Variants in CRKL observed in about 807,000 individuals in gnomAD.
The protein encoded by CRKL is CRK like proto-oncogene, adaptor protein.
CRKL carries 3 observed loss-of-function variants against 23.0 expected under a neutral mutation model. That is an observed-to-expected ratio of 0.13 (90% CI 0.06 to 0.34). The LOEUF (loss-of-function observed/expected upper bound fraction) is 0.34, where lower values mean the gene tolerates loss of function less well. Among genes scored for constraint, CRKL ranks in the 10% least tolerant of loss-of-function variants. The probability of loss-of-function intolerance (pLI) is 1.00; values close to 1 mark genes in which losing one functional copy is unlikely to be tolerated. For synonymous variants in CRKL, 188 were observed against 160.7 expected, an observed-to-expected ratio of 1.17 and a Z score of -1.28; for missense variants, 256 against 394.5, an observed-to-expected ratio of 0.65 and a Z score of 2.97.
Position 20,921,812 on chromosome 22 carries a change from C to T in CRKL, c.311+3567C>T, listed in dbSNP as rs139442784. 5.9e-3 allele frequency among the ~76,000 whole-genome samples: 899 copies of T among 151,418 alleles called. 8 individuals are homozygous for T. Among genetic ancestry groups the T allele is most frequent in the East Asian group, 0.055 (283 of 5,146 alleles). ...CAAGCTCCGCCTCCTGGGTTCACAC[C>T]ATTCTCCTGCCTCAGCCTCCCGAGT... On this transcript the variant is annotated intron_variant, in intron 1 of 2. Coordinates refer to ENST00000354336, the MANE Select transcript of CRKL (RefSeq NM_005207.4).
At position 20,925,144 on chromosome 22, in the gene CRKL, C is replaced by T. The variant is rs139459946; in HGVS notation, c.311+6899C>T. ...CAGAGGTTGCACTGAGCCAAGATCACACCACTGCACTCCAGCCTGCCAACA... is the reference window on the plus strand; with the variant it reads ...CAGAGGTTGCACTGAGCCAAGATCATACCACTGCACTCCAGCCTGCCAACA... On this transcript the variant is annotated intron_variant, in intron 1 of 2. Coordinates refer to ENST00000354336, the MANE Select transcript of CRKL (RefSeq NM_005207.4). Among the ~76,000 whole-genome samples, 877 of 143,134 alleles carry T rather than the reference C, an allele frequency of 6.1e-3. 6 individuals carry two copies. The highest frequency in any genetic ancestry group is 0.055 in the East Asian group (267 of 4,826). The allele number at this position is 143,134 out of a possible 152,430, so 93.9% of individuals were successfully genotyped here. A position where few individuals can be genotyped will look rare whatever the true frequency, so the allele number is the denominator to read the frequency against.
At chr22:20,937,808 C>T (rs1445956467) in intron 2 of CRKL, among the ~76,000 whole-genome samples, 1 of 151,972 alleles carries the variant, frequency 6.6e-6, no homozygotes, top group Non-Finnish European at 1.5e-5. Flanking sequence ...TAGACCTTTA[C>T]CAAATTCCAT....
At chr22:20,923,880 TAA>T (rs774192484) in intron 1 of CRKL, among the ~76,000 whole-genome samples, 6 of 137,580 alleles carry the variant, frequency 4.4e-5, no homozygotes, top group Non-Finnish European at 4.7e-5. Context: ...GCCTGGCTAC[TAA>T]AAAAAAAAAA....
chr22:20,948,657 TA>T (rs1922158017), intron 2 of CRKL, among the ~76,000 whole-genome samples: 1 of 152,120 alleles, frequency 6.6e-6, no homozygotes, highest in African/African-American at 2.4e-5. Flanking sequence ...GACTGTGCCA[TA>T]AAAACCTTAT....
At chr22:20,942,821 C>T (rs753141714) in intron 2 of CRKL, among the ~76,000 whole-genome samples, 1 of 152,100 alleles carries the variant, frequency 6.6e-6, no homozygotes, top group East Asian at 1.9e-4. Context: ...CAGGGTTTTG[C>T]CATGTTAGCC....
chr22:20,925,346 T>C (rs1921160647), intron 1 of CRKL, among the ~76,000 whole-genome samples: 1 of 150,200 alleles, frequency 6.7e-6, no homozygotes, highest in African/African-American at 2.5e-5. Context: ...GATTAAAATA[T>C]TTTAATTCTG....
chr22:20,929,766 T>C (rs559938419), intron 1 of CRKL, among the ~76,000 whole-genome samples: 1 of 152,278 alleles, frequency 6.6e-6, no homozygotes, highest in East Asian at 1.9e-4. Context: ...TGGGCAACAC[T>C]TTATATTTTA....
chr22:20,922,961 C>T (rs1921045525), intron 1 of CRKL, among the ~76,000 whole-genome samples: 1 of 152,164 alleles, frequency 6.6e-6, no homozygotes, highest in South Asian at 2.1e-4. Flanking sequence ...GTGTGAGCCA[C>T]TGCGCCTGGC....
intron 1 of CRKL, among the ~76,000 whole-genome samples, chr22:20,927,128 A>AAAAAAAAAAG (rs1555918902): frequency 7.9e-5 from 10 of 125,814 alleles, no homozygotes; most frequent in Admixed American, 2.0e-4. Context: ...AAAAAAAAAA[A>AAAAAAAAAAG]AAAAAAAAGA....
At position 20,917,473 on chromosome 22, in the gene CRKL, C is replaced by T. The variant is rs1199873672; in HGVS notation, c.-462C>T. The stretch of plus-strand genomic sequence containing the variant: ...TTCTCCCGCGTCCGCCATTTTGTTG[C>T]TGTGGCTATTGGGAACAAGCTGGGC... On this transcript the variant is annotated 5_prime_UTR_variant, in exon 1 of 3. Transcript: ENST00000354336. The T allele has an allele frequency of 4.3e-6, 1 of 234,636 alleles. No individual in the cohort carries two copies. The highest frequency in any genetic ancestry group is 6.1e-5 in the East Asian group (1 of 16,528). 14.5% of individuals were successfully genotyped at this position (234,636 alleles called of 1,614,324 possible). A position where few individuals can be genotyped will look rare whatever the true frequency, so the allele number is the denominator to read the frequency against.
chr22:20,921,778 G>A (rs1014901584), intron 1 of CRKL, among the ~76,000 whole-genome samples: 2 of 150,790 alleles, frequency 1.3e-5, no homozygotes, highest in African/African-American at 2.4e-5. Context: ...GTGCGATCTC[G>A]GCTCACTGCA....
chr22:20,923,697 C>T (rs932620317), intron 1 of CRKL, among the ~76,000 whole-genome samples: 8 of 151,700 alleles, frequency 5.3e-5, no homozygotes, highest in African/African-American at 1.7e-4. Flanking sequence ...GCCTCAGCCT[C>T]CCAAGTAGCT....
intron 1 of CRKL, among the ~76,000 whole-genome samples, chr22:20,927,734 T>C (rs570254490): frequency 6.8e-6 from 1 of 147,136 alleles, no homozygotes; most frequent in South Asian, 2.2e-4. Flanking sequence ...TCCCAGCTAC[T>C]TGGGACGCTG....
chr22:20,933,136 C>T (rs763568453), intron 1 of CRKL, among the ~76,000 whole-genome samples: 9 of 151,182 alleles, frequency 6.0e-5, no homozygotes, highest in East Asian at 2.0e-4. Flanking sequence ...TTTGGGAGGC[C>T]GAGGCAGGCA....
chr22:20,948,616 C>T (rs1378692436), intron 2 of CRKL, among the ~76,000 whole-genome samples: 1 of 152,146 alleles, frequency 6.6e-6, no homozygotes, highest in East Asian at 1.9e-4. Context: ...TGGTGTCCTG[C>T]ATGCTCCAAA....
Position 20,952,042 on chromosome 22 carries a change from AAC to A in CRKL, c.*2199_*2200del, listed in dbSNP as rs1179549369. On this transcript the variant is annotated 3_prime_UTR_variant, in exon 3 of 3. Transcript: ENST00000354336. ...CAAGAGTCCCCAGACTCTGCCTAGA[AAC>A]AGTGTTTGCCCTTTGGCCAGTGACG... The A allele has an allele frequency of 4.4e-6, 1 of 225,784 alleles. No individual in the cohort carries two copies. Among genetic ancestry groups the A allele is most frequent in the Non-Finnish European group, 8.8e-6 (1 of 113,610 alleles). The allele number at this position is 225,784 out of a possible 1,614,324, so 14.0% of individuals were successfully genotyped here.
chr22:20,947,675 CA>C (rs1459876365), intron 2 of CRKL, among the ~76,000 whole-genome samples: 333 of 85,900 alleles, frequency 3.9e-3, no homozygotes, highest in African/African-American at 0.013. Flanking sequence ...TTCTTTTTTT[CA>C]TTTTTTTTTT....
Position 20,950,737 on chromosome 22 carries a change from T to C in CRKL, c.*892T>C. The C allele has an allele frequency of 4.5e-6, 1 of 223,370 alleles. No individual in the cohort carries two copies. Among genetic ancestry groups the C allele is most frequent in the Non-Finnish European group, 8.9e-6 (1 of 112,028 alleles). 13.8% of individuals were successfully genotyped at this position (223,370 alleles called of 1,614,324 possible). A position where few individuals can be genotyped will look rare whatever the true frequency, so the allele number is the denominator to read the frequency against. On this transcript the variant is annotated 3_prime_UTR_variant, in exon 3 of 3. Transcript: ENST00000354336. The stretch of plus-strand genomic sequence containing the variant: ...CCTAGACTTGTGTGTTCTAAACAGG[T>C]TAAGTAGCAGGTTGGGTTTTTATGA...
In CRKL at chr22:20,933,821, G is replaced by A. The variant is rs1921553636; in HGVS notation, c.354G>A (p.Leu118=). 1.2e-6 allele frequency: 2 copies of A among 1,614,108 alleles called. No homozygotes were observed. The highest frequency in any genetic ancestry group is 1.7e-6 in the Non-Finnish European group (2 of 1,180,034). The change falls in exon 2 of 3, where the codon CTG becomes CTA. Residue 118 remains leucine, a synonymous_variant. Transcript: ENST00000354336. ...TGGGATCTGTCTCAGCACCCAACCT[G>A]CCTACAGCAGAAGATAACCTGGAAT... ...PPMGSVSAPN[L]PTAEDNLEYV... is the part of the protein sequence containing the mutation.
Sources: gnomAD v4.1 joint callset for allele counts (sites outside exome capture counted in the v4.1 genomes callset) on GRCh38, gnomAD v4.1.1 for gene constraint, MANE v1.5 for transcripts, NCBI Gene and HGNC (gene_info 2026-07-23, HGNC 2026-07-21) for gene names.